Variants in NCOA1 observed in about 807,000 individuals in gnomAD.
NCOA1 encodes the protein Hin-2 protein.
In NCOA1, 35 loss-of-function variants were observed where a neutral mutation model predicts 150.9. The ratio of observed to expected loss-of-function variants is 0.23; its 90% CI spans 0.18 to 0.31. The LOEUF is 0.31. Ranked by LOEUF, NCOA1 falls within the 10% of genes least tolerant of loss-of-function variation. The pLI is 1.00. For synonymous variants in NCOA1, 590 were observed against 630.0 expected (o/e 0.94, Z 0.95); for missense variants, 1,491 against 1,749.3 (o/e 0.85, Z 2.63).
At chr2:24,513,839 A>G (rs1335225535) in intron 1 of NCOA1, among the ~76,000 whole-genome samples, 8 of 152,192 alleles carry the variant, frequency 5.3e-5, no homozygotes, top group Non-Finnish European at 1.2e-4. Context: ...AGGGTCAGCA[A>G]TTTCTCCGGC....
rs1166095253 is a variant in NCOA1, at chr2:24,770,348, A to G, written c.*1957A>G. The G allele has an allele frequency of 4.3e-6, 1 of 230,052 alleles. No homozygotes were observed. Among genetic ancestry groups the G allele is most frequent in the Non-Finnish European group, 8.6e-6 (1 of 116,000 alleles). The allele number at this position is 230,052 out of a possible 1,614,324, so 14.3% of individuals were successfully genotyped here. A position where few individuals can be genotyped will look rare whatever the true frequency, so the allele number is the denominator to read the frequency against. On this transcript the variant is annotated 3_prime_UTR_variant, in exon 23 of 23. Coordinates refer to ENST00000348332, the MANE Select transcript of NCOA1 (RefSeq NM_003743.5). Reference sequence around the variant, plus strand: ...TTTCCTGACTCAGTGCTTTTGCATAAGGAACTAGAAAAAAAAAGTAAGGAA... The same window carrying G: ...TTTCCTGACTCAGTGCTTTTGCATAGGGAACTAGAAAAAAAAAGTAAGGAA...
intron 2 of NCOA1, among the ~76,000 whole-genome samples, chr2:24,569,551 A>AT (rs1475942672): frequency 1.3e-5 from 1 of 75,700 alleles, no homozygotes; most frequent in African/African-American, 3.7e-5. Flanking sequence ...TGGTTTTATT[A>AT]ATTTTTTTTT....
intron 14 of NCOA1, among the ~76,000 whole-genome samples, chr2:24,724,583 C>T (rs1674517213): frequency 6.6e-6 from 1 of 151,976 alleles, no homozygotes; most frequent in Admixed American, 6.6e-5. Flanking sequence ...CCAAACTCAG[C>T]ATATGAATCT....
intron 22 of NCOA1, among the ~76,000 whole-genome samples, chr2:24,764,332 G>A (rs1340227263): frequency 2.6e-5 from 4 of 152,148 alleles, no homozygotes; most frequent in African/African-American, 9.7e-5. Flanking sequence ...CACCTAAACT[G>A]TCATAAAACC....
chr2:24,610,938 C>T (rs1668595402), intron 3 of NCOA1, among the ~76,000 whole-genome samples: 1 of 151,982 alleles, frequency 6.6e-6, no homozygotes, highest in East Asian at 1.9e-4. Flanking sequence ...TTGAAATTCT[C>T]CCCTTTTAAA....
chr2:24,495,397 C>T (rs114886548), intron 1 of NCOA1, among the ~76,000 whole-genome samples: 3,386 of 152,126 alleles, frequency 0.022, 126 homozygotes, highest in African/African-American at 0.076. Flanking sequence ...AGATAAGTAG[C>T]TTATGCCAAA....
intron 3 of NCOA1, among the ~76,000 whole-genome samples, chr2:24,617,705 C>T (rs1364171671): frequency 6.6e-6 from 1 of 152,066 alleles, no homozygotes; most frequent in East Asian, 1.9e-4. Context: ...TAATGAGTCC[C>T]TCATGCCAGG....
At chr2:24,665,045 A>G (rs1292917948) in intron 5 of NCOA1, among the ~76,000 whole-genome samples, 1 of 152,224 alleles carries the variant, frequency 6.6e-6, no homozygotes, top group Admixed American at 6.5e-5. Context: ...ATATTTTTTT[A>G]AAAAGGTGCT....
At position 24,768,804 on chromosome 2, in the gene NCOA1, G is replaced by A. The variant is rs555517622; in HGVS notation, c.*413G>A. On this transcript the variant is annotated 3_prime_UTR_variant, in exon 23 of 23. Transcript: ENST00000348332. ...CAACCCTGCCCAGGAAGAAGGGCCC[G>A]TGGGGCTTTGCCTGTGCCCGTCCAC... The A allele has an allele frequency of 1.1e-3, 244 of 226,346 alleles. No individual in the cohort carries two copies. The highest frequency in any genetic ancestry group is 1.8e-3 in the Non-Finnish European group (210 of 113,560). The allele number at this position is 226,346 out of a possible 1,614,324, so 14.0% of individuals were successfully genotyped here.
At chr2:24,731,275 C>A (rs1662997207) in intron 17 of NCOA1, among the ~76,000 whole-genome samples, 1 of 152,108 alleles carries the variant, frequency 6.6e-6, no homozygotes, top group South Asian at 2.1e-4. Context: ...AGTTTCAAGT[C>A]CCAGTTCCAA....
chr2:24,571,572 G>A (rs143331865), intron 2 of NCOA1, among the ~76,000 whole-genome samples: 1 of 152,268 alleles, frequency 6.6e-6, no homozygotes, highest in East Asian at 1.9e-4. Flanking sequence ...TAGCCCTAGA[G>A]TCTATGCATC....
At chr2:24,732,870 G>T (rs1663089046) in intron 17 of NCOA1, among the ~76,000 whole-genome samples, 1 of 150,334 alleles carries the variant, frequency 6.7e-6, no homozygotes, top group East Asian at 1.9e-4. Context: ...CAAAAGCCAG[G>T]AAACTTTTTC....
rs566656726 is a variant in NCOA1 at position 24,693,281 on chromosome 2, C to T, written c.742C>T (p.Arg248Trp). The change falls in exon 10 of 23, where the codon CGG (arginine) becomes TGG (tryptophan). Residue 248 changes from arginine to tryptophan, a missense_variant. Physicochemically the swap from Arg to Trp is moderately radical, Grantham distance 101. Transcript: ENST00000348332. ...CCAGTCATGTCTGATTTGTATTGCA[C>T]GGCGATTACCTCGGCCTCCAGCTAT... ...DFQSCLICIA[R>W]RLPRPPAITG... is the part of the protein sequence containing the mutation. The T allele has an allele frequency of 1.2e-6, 2 of 1,614,112 alleles. No individual in the cohort carries two copies. Among genetic ancestry groups the T allele is most frequent in the Non-Finnish European group, 1.7e-6 (2 of 1,179,994 alleles).
At chr2:24,493,786 C>G (rs538119566) in intron 1 of NCOA1, among the ~76,000 whole-genome samples, 20 of 152,330 alleles carry the variant, frequency 1.3e-4, no homozygotes, top group Non-Finnish European at 2.4e-4. Flanking sequence ...ATCCCAAGAA[C>G]TTGCTTATGC....
intron 21 of NCOA1, among the ~76,000 whole-genome samples, chr2:24,758,572 C>A (rs554991085): frequency 3.8e-4 from 58 of 152,102 alleles, no homozygotes; most frequent in Middle Eastern, 3.4e-3. Flanking sequence ...CTCAAGCAAT[C>A]CTCCTATCCC....
chr2:24,770,452 A>C lies in NCOA1; in HGVS notation c.*2061A>C, dbSNP rs1385331109. ...GTCACCTTCAAGGTTTTATAATTGC[A>C]CTGTTTGTTTTATGTATGTACAGAT... On this transcript the variant is annotated 3_prime_UTR_variant, in exon 23 of 23. Transcript: ENST00000348332. 10 of 226,764 alleles carry C rather than the reference A, an allele frequency of 4.4e-5. No individual in the cohort carries two copies. The highest frequency in any genetic ancestry group is 8.8e-5 in the Non-Finnish European group (10 of 113,842). The allele number at this position is 226,764 out of a possible 1,614,324, so 14.0% of individuals were successfully genotyped here.
chr2:24,550,441 T>TA (rs1665779090), intron 1 of NCOA1, among the ~76,000 whole-genome samples: 1 of 152,148 alleles, frequency 6.6e-6, no homozygotes, highest in Non-Finnish European at 1.5e-5. Context: ...AGTCACATCT[T>TA]ACATGGATGG....
intron 6 of NCOA1, among the ~76,000 whole-genome samples, chr2:24,666,874 C>T (rs144824620): frequency 5.8e-4 from 89 of 152,216 alleles, no homozygotes; most frequent in African/African-American, 2.1e-3. Context: ...CATATTTTTA[C>T]TACCTATATT....
intron 3 of NCOA1, among the ~76,000 whole-genome samples, chr2:24,626,763 A>G (rs1449734134): frequency 3.3e-5 from 5 of 152,140 alleles, no homozygotes; most frequent in Non-Finnish European, 7.4e-5. Flanking sequence ...TTTCTGAATA[A>G]TTGTGGGATT....
Sources: gnomAD v4.1 joint callset for allele counts (sites outside exome capture counted in the v4.1 genomes callset) on GRCh38, gnomAD v4.1.1 for gene constraint, MANE v1.5 for transcripts, NCBI Gene and HGNC (gene_info 2026-07-23, HGNC 2026-07-21) for gene names.